SDHA: variants seen among roughly 807,000 people sequenced by gnomAD.
The protein encoded by SDHA is succinate dehydrogenase complex flavoprotein subunit A.
In SDHA, 48 loss-of-function variants were observed where a neutral mutation model predicts 78.4. The ratio of observed to expected loss-of-function variants is 0.61; its 90% CI spans 0.49 to 0.78. The LOEUF is 0.78. SDHA is among the 30% of genes least tolerant of loss of function. The pLI is 0.00. For missense variants in SDHA, 680 were observed against 892.7 expected (o/e 0.76, Z 3.04); for synonymous variants, 326 against 353.9 (o/e 0.92, Z 0.88).
At chr5:245,478 C>A (rs1736387889) in intron 11 of SDHA, among the ~76,000 whole-genome samples, 1 of 152,220 alleles carries the variant, frequency 6.6e-6, no homozygotes, top group Non-Finnish European at 1.5e-5. Context: ...CAACGATTTG[C>A]CAGACTTGTG....
At chr5:221,364 T>C (rs141064117) in intron 1 of SDHA, among the ~76,000 whole-genome samples, 4 of 152,354 alleles carry the variant, frequency 2.6e-5, no homozygotes, top group African/African-American at 9.6e-5. Flanking sequence ...TCACTTAAAC[T>C]ACCCTGCTTC....
chr5:264,217 A>G, the SDHA span, among the ~76,000 whole-genome samples: 1 of 152,256 alleles, frequency 6.6e-6, no homozygotes, highest in East Asian at 1.9e-4. Flanking sequence ...CTTTGAAATT[A>G]TAAGTGTTTT....
At chr5:259,855 T>C (rs1336618309), downstream of SDHA, among the ~76,000 whole-genome samples, 7 of 18,218 alleles carry the variant, frequency 3.8e-4, no homozygotes, top group African/African-American at 8.9e-4. Flanking sequence ...CCGCCTCCCG[T>C]CACAGCATTA....
chr5:225,669 T>C (rs1237976940), intron 4 of SDHA, 107 bp downstream of exon 4: 1 of 1,515,982 alleles, frequency 6.6e-7, no homozygotes, highest in East Asian at 2.2e-5. Flanking sequence ...AAAAGAATGG[T>C]GATGAGCAAA....
intron 14 of SDHA, among the ~76,000 whole-genome samples, chr5:255,575 C>T (rs1359045660): frequency 2.0e-5 from 3 of 151,984 alleles, no homozygotes; most frequent in South Asian, 2.1e-4. Context: ...CCTCCCACCT[C>T]AGCTTCCTGG....
At chr5:218,542 G>A in intron 1 of SDHA, 124 bp downstream of exon 1, 2 of 758,220 alleles carry the variant, frequency 2.6e-6, no homozygotes, top group South Asian at 3.1e-5. Context: ...TCCCGGGATC[G>A]GGAAGGGGCT....
downstream of SDHA, among the ~76,000 whole-genome samples, chr5:259,025 A>C (rs6881978): frequency 9.3e-5 from 4 of 43,198 alleles, no homozygotes; most frequent in Non-Finnish European, 1.8e-4. Context: ...GCCTCCCGCC[A>C]GAGCATTACC....
rs185989933 is a variant in SDHA at position 239,109 on chromosome 5, C to T, written c.1433-1249C>T. On this transcript the variant is annotated intron_variant, in intron 10 of 14. Transcript: ENST00000264932. ...CATTTGAGCAGACCCTCAAGAGACC[C>T]ATAGCCTGGTCCTGTGGAGAGGTGG... is the stretch of plus-strand genomic sequence containing the variant. Among the ~76,000 whole-genome samples, 805 of 151,234 alleles carry T rather than the reference C, an allele frequency of 5.3e-3. 18 individuals carry two copies. The highest frequency in any genetic ancestry group is 6.7e-3 in the Non-Finnish European group (455 of 67,960).
At chr5:266,596 G>A in the SDHA span, among the ~76,000 whole-genome samples, 2 of 152,202 alleles carry the variant, frequency 1.3e-5, no homozygotes, top group African/African-American at 4.8e-5. Context: ...GTGAACCCAT[G>A]TGTGTGAGGA....
rs1736828708 is a variant in SDHA at position 251,464 on chromosome 5, A to T, written c.1790A>T (p.Tyr597Phe). Residue 597 changes from tyrosine to phenylalanine, a missense_variant, in exon 13 of 15, where the codon TAC (tyrosine) becomes TTC (phenylalanine). By Grantham distance (22) the Tyr-to-Phe change is conservative. Coordinates refer to ENST00000264932, the MANE Select transcript of SDHA (RefSeq NM_004168.4). ...CGGGGCGCGCATGCCAGGGAAGACT[A>T]CAAGGTGGGCCTTCTCACCACGCCC... ...ESRGAHAREDYKVRIDEYDYS... is the reference protein window; with the variant it reads ...ESRGAHAREDFKVRIDEYDYS... 6.2e-7 allele frequency: 1 copy of T among 1,613,984 alleles called. No individual in the cohort carries two copies. Among genetic ancestry groups the T allele is most frequent in the South Asian group, 1.1e-5 (1 of 91,072 alleles).
chr5:252,788 T>TTAAA (rs372521011), intron 13 of SDHA, among the ~76,000 whole-genome samples: 134 of 91,718 alleles, frequency 1.5e-3, no homozygotes, highest in African/African-American at 8.1e-3. Context: ...TGCCAGTTTA[T>TTAAA]TAACGAGTAA....
intron 6 of SDHA, among the ~76,000 whole-genome samples, chr5:230,290 T>C (rs1735312021): frequency 6.6e-6 from 1 of 152,142 alleles, no homozygotes; most frequent in Non-Finnish European, 1.5e-5. Flanking sequence ...ATAAAAGTAG[T>C]ATATGCTTAT....
In SDHA at chr5:236,491, G is replaced by A. The variant is rs754893758; in HGVS notation, c.1324G>A (p.Ala442Thr). Residue 442 changes from alanine to threonine, a missense_variant, in exon 10 of 15, where the codon GCC becomes ACC. Physicochemically the swap from Ala to Thr is moderately conservative, Grantham distance 58 (BLOSUM62 0). Coordinates refer to ENST00000264932, the MANE Select transcript of SDHA (RefSeq NM_004168.4). ...VPGLYACGEAACASVHGANRL... is the reference protein window; with the variant it reads ...VPGLYACGEATCASVHGANRL... ...CGGCCTGTACGCCTGTGGGGAGGCC[G>A]CCTGTGCCTCGGTACATGGTGCCAA... 14 of 1,613,736 alleles carry A rather than the reference G, an allele frequency of 8.7e-6. No homozygotes were observed. The highest frequency in any genetic ancestry group is 3.3e-5 in the Admixed American group (2 of 60,000).
the SDHA span, among the ~76,000 whole-genome samples, chr5:262,299 C>T: frequency 2.2e-3 from 97 of 44,208 alleles, 9 homozygotes; most frequent in African/African-American, 6.4e-3. Flanking sequence ...AGAGCATTAC[C>T]GTGTGAGCTC....
At chr5:252,884 A>G (rs1736944788) in intron 13 of SDHA, 1 of 152,078 alleles carries the variant, frequency 6.6e-6, no homozygotes, top group South Asian at 2.1e-4. Context: ...TGTGGATGAA[A>G]TGCCAGTTTA....
downstream of SDHA, among the ~76,000 whole-genome samples, chr5:258,611 C>T (rs1219395157): frequency 1.0e-3 from 46 of 45,212 alleles, no homozygotes; most frequent in South Asian, 1.6e-3. Context: ...CCGCCTCCTG[C>T]CAGAGCATTA....
intron 11 of SDHA, among the ~76,000 whole-genome samples, chr5:244,967 A>T (rs1736358657): frequency 6.6e-6 from 1 of 152,218 alleles, no homozygotes; most frequent in Non-Finnish European, 1.5e-5. Flanking sequence ...GTGGAAAGAC[A>T]AAAGTTCCTG....
chr5:249,107 A>G (rs1451531370), intron 11 of SDHA: 3 of 434,980 alleles, frequency 6.9e-6, no homozygotes, highest in Non-Finnish European at 9.0e-6. Flanking sequence ...TAATGCCAGG[A>G]ACTGGAGTGC....
chr5:229,942 A>G (rs1205341612), intron 6 of SDHA, among the ~76,000 whole-genome samples: 1 of 152,152 alleles, frequency 6.6e-6, no homozygotes, highest in Non-Finnish European at 1.5e-5. Flanking sequence ...TAGAGTTAAT[A>G]TACAGCATGG....
Sources: allele counts gnomAD v4.1 joint callset (sites outside exome capture counted in the v4.1 genomes callset), GRCh38; gene constraint gnomAD v4.1.1; transcripts MANE v1.5; gene names NCBI Gene and HGNC (gene_info 2026-07-23, HGNC 2026-07-21).